Variants in NOP53 observed in about 807,000 individuals in gnomAD.
NOP53 encodes NOP53 ribosome biogenesis factor.
A neutral mutation model predicts 61.0 loss-of-function variants in NOP53; 40 were observed. That is an observed-to-expected ratio of 0.66 (90% confidence interval 0.51 to 0.85). The LOEUF (loss-of-function observed/expected upper bound fraction) is 0.85, where lower values mean the gene tolerates loss of function less well. Ranked by LOEUF, NOP53 falls within the 40% of genes least tolerant of loss-of-function variation. The probability of loss-of-function intolerance (pLI) is 0.00; values close to 1 mark genes in which losing one functional copy is unlikely to be tolerated. For missense variants in NOP53, 689 were observed against 652.9 expected, an observed-to-expected ratio of 1.06 and a Z score of -0.60; for synonymous variants, 308 against 289.5, an observed-to-expected ratio of 1.06 and a Z score of -0.65.
chr19:47,750,816 T>G, intron 3 of NOP53, 92 bp from the exon 4 acceptor site: 1 of 1,064,496 alleles, frequency 9.4e-7, no homozygotes, highest in Non-Finnish European at 1.4e-6. Flanking sequence ...GAAGCTGCCT[T>G]AATGGTGGAG....
Position 47,756,599 on chromosome 19 carries a change from A to C in NOP53, c.1368A>C (p.Arg456Ser), listed in dbSNP as rs770241150. The C allele has an allele frequency of 6.2e-7, 1 of 1,613,946 alleles. No homozygotes were observed. ...GGAATATGATCGAGCCTCGAGAGAG[A>C]GCCAAGTAAGGGGCGGCCGGGGCTG... is the stretch of plus-strand genomic sequence containing the variant. Reference protein sequence around the residue: ...QRRNMIEPRERAKFKRKYKVK... With the variant: ...QRRNMIEPRESAKFKRKYKVK... The change falls in exon 11 of 13, where the codon AGA (arginine) becomes AGC (serine). Residue 456 changes from arginine to serine, a missense_variant. Arg to Ser is a moderately radical substitution (Grantham distance 110). Coordinates refer to ENST00000246802, the MANE Select transcript of NOP53 (RefSeq NM_015710.5).
intron 10 of NOP53, 33 bp from the exon 11 acceptor site, chr19:47,756,495 G>T: frequency 1.3e-6 from 2 of 1,586,722 alleles, no homozygotes; most frequent in Non-Finnish European, 1.7e-6. Context: ...GCTTCTGCCA[G>T]GCCCTGCTGA....
At position 47,750,985 on chromosome 19, in the gene NOP53, G is replaced by GCGAGCTGCCCCGGGAGGT. The variant is rs1233207388; in HGVS notation, c.477_494dup (p.Glu160_Val165dup). On this transcript the variant is annotated inframe_insertion, in exon 4 of 13. Coordinates refer to ENST00000246802, the MANE Select transcript of NOP53 (RefSeq NM_015710.5). Reference sequence around the variant, plus strand: ...CTATGGGAGAAGCTGGCCAAGCAGGGCGAGCTGCCCCGGGAGGTGCGCAGG... The same window carrying GCGAGCTGCCCCGGGAGGT: ...CTATGGGAGAAGCTGGCCAAGCAGGGCGAGCTGCCCCGGGAGGTCGAGCTGCCCCGGGAGGTGCGCAGG... The GCGAGCTGCCCCGGGAGGT allele has an allele frequency of 4.4e-6, 7 of 1,596,528 alleles. No individual in the cohort carries two copies. The highest frequency in any genetic ancestry group is 6.0e-6 in the Non-Finnish European group (7 of 1,172,754).
Position 47,751,583 on chromosome 19 carries a change from G to C in NOP53, c.662G>C (p.Gly221Ala). 1 of 1,613,626 alleles carries C rather than the reference G, an allele frequency of 6.2e-7. No individual in the cohort carries two copies. The highest frequency in any genetic ancestry group is 8.5e-7 in the Non-Finnish European group (1 of 1,179,650). ...TTCCTGGAGCAGACCAAGAAGAAAG[G>C]AGTGAAGGTGAGATGTGTGGGAAGG... ...EFFLEQTKKK[G>A]VKRPARLHTK... is the part of the protein sequence containing the mutation. Residue 221 changes from glycine to alanine, a missense_variant, in exon 5 of 13, where the codon GGA becomes GCA. Physicochemically the swap from Gly to Ala is moderately conservative, Grantham distance 60. Coordinates refer to ENST00000246802, the MANE Select transcript of NOP53 (RefSeq NM_015710.5).
intron 4 of NOP53, 53 bp from the exon 5 acceptor site, chr19:47,751,467 G>A (rs1967124114): frequency 7.1e-7 from 1 of 1,399,244 alleles, no homozygotes; most frequent in African/African-American, 1.4e-5. Flanking sequence ...GGAGCCTTTG[G>A]TGCCTCTTCC....
In NOP53 at chr19:47,751,640, C is replaced by T. The variant is rs755412963; in HGVS notation, c.669+50C>T. ...TGGGTGATGGGAGGGTGAGGAGGGCCGGGAGCTGCTCTGTGTTCCTGCAGT... is the reference window on the plus strand; with the variant it reads ...TGGGTGATGGGAGGGTGAGGAGGGCTGGGAGCTGCTCTGTGTTCCTGCAGT... On this transcript the variant is annotated intron_variant, in intron 5 of 12. Coordinates refer to ENST00000246802, the MANE Select transcript of NOP53 (RefSeq NM_015710.5). 46 of 1,383,102 alleles carry T rather than the reference C, an allele frequency of 3.3e-5. No homozygotes were observed. The East Asian group carries it at 4.6e-4, about 14-fold the overall frequency. The allele number at this position is 1,383,102 out of a possible 1,614,324, so 85.7% of individuals were successfully genotyped here.
chr19:47,755,004 A>G (rs902587339), intron 8 of NOP53, 113 bp downstream of exon 8: 1 of 1,006,262 alleles, frequency 9.9e-7, no homozygotes, highest in Non-Finnish European at 1.4e-6. Context: ...CAAGCCCCGC[A>G]TGTGGCCTGT....
At chr19:47,751,418 C>A in intron 4 of NOP53, 102 bp from the exon 5 acceptor site, 1 of 896,988 alleles carries the variant, frequency 1.1e-6, no homozygotes, top group Non-Finnish European at 1.8e-6. Flanking sequence ...CTTGCCTGAG[C>A]TTCAGGGTCA....
At chr19:47,753,093 C>T (rs1361623993) in intron 6 of NOP53, 1 of 158,596 alleles carries the variant, frequency 6.3e-6, no homozygotes, top group Non-Finnish European at 1.4e-5. Context: ...TAGCTGGAGC[C>T]ACTGTGCATT....
intron 10 of NOP53, 47 bp from the exon 11 acceptor site, chr19:47,756,481 T>C (rs769115035): frequency 1.3e-6 from 2 of 1,521,866 alleles, no homozygotes; most frequent in East Asian, 2.3e-5. Context: ...GTCCAGGCCC[T>C]TGGGCTTCTG....
intron 2 of NOP53, among the ~76,000 whole-genome samples, chr19:47,747,726 G>A (rs1417550463): frequency 2.6e-5 from 4 of 151,508 alleles, no homozygotes; most frequent in African/African-American, 9.7e-5. Context: ...CAAGTAGCTG[G>A]GACTGCAGGC....
rs758226662 is a variant in NOP53, at chr19:47,745,731, C to G, written c.172C>G (p.Leu58Val). The G allele has an allele frequency of 2.4e-5, 38 of 1,607,510 alleles. No homozygotes were observed. The highest frequency in any genetic ancestry group is 3.1e-5 in the Non-Finnish European group (36 of 1,176,998). The part of the protein sequence containing the change: ...WRRLAQEPLG[L>V]EVDQFLEDVR... ...GCGGCTTGCTCAGGAGCCGCTGGGG[C>G]TGGAGGTTGACCAGTTCCTGGAAGA... Residue 58 changes from leucine (L) to valine (V), a missense_variant, in exon 1 of 13, where the codon CTG becomes GTG. Leu to Val is a conservative substitution (Grantham distance 32). Coordinates refer to ENST00000246802, the MANE Select transcript of NOP53 (RefSeq NM_015710.5).
intron 11 of NOP53, 21 bp downstream of exon 11, chr19:47,756,625 C>CTGTGG (rs1227024941): frequency 6.2e-7 from 1 of 1,613,368 alleles, no homozygotes; most frequent in Non-Finnish European, 8.5e-7. Context: ...GCCGGGGCTG[C>CTGTGG]TGTGGGGCGA....
chr19:47,754,660 C>G lies in NOP53; in HGVS notation c.870+29C>G. On this transcript the variant is annotated intron_variant, in intron 7 of 12. Coordinates refer to ENST00000246802, the MANE Select transcript of NOP53 (RefSeq NM_015710.5). This position sits in a 1 kb window ranked among gnomAD's most constrained non-coding sequence, Gnocchi z 4.2. ...AGCCCCGCACCTGCCCACTCCCTCC[C>G]CTCCCCGGGCCTCCTACCCACCCCT... 6.5e-7 allele frequency: 1 copy of G among 1,542,376 alleles called. No homozygotes were observed. The highest frequency in any genetic ancestry group is 2.4e-5 in the East Asian group (1 of 40,910).
At chr19:47,751,732 A>G (rs1030728602) in intron 5 of NOP53, 142 bp downstream of exon 5, 1 of 698,372 alleles carries the variant, frequency 1.4e-6, no homozygotes, top group Non-Finnish European at 2.6e-6. Context: ...GGTGGCTGGG[A>G]TTCCTGTCCC....
rs370123555 is a variant in NOP53, at chr19:47,752,529, C to T, written c.687C>T (p.His229=). The change falls in exon 6 of 13, where the codon CAC becomes CAT. Residue 229 remains histidine (H), a synonymous_variant. Transcript: ENST00000246802. ...CTCCACAGCGGCCAGCACGCCTGCA[C>T]ACCAAGCCGTCCCAGGCACCCGCCG... ...KKGVKRPARL[H]TKPSQAPAVE... 4.5e-5 allele frequency: 72 copies of T among 1,606,234 alleles called. No individual in the cohort carries two copies. Among genetic ancestry groups the T allele is most frequent in the Non-Finnish European group, 5.8e-5 (68 of 1,177,234 alleles).
chr19:47,748,759 A>G (rs1188311370), intron 2 of NOP53, among the ~76,000 whole-genome samples: 1 of 152,126 alleles, frequency 6.6e-6, no homozygotes, highest in African/African-American at 2.4e-5. Flanking sequence ...GCCGGACGTC[A>G]TGGTACACGC....
At position 47,755,771 on chromosome 19, in the gene NOP53, C is replaced by G. The variant is rs1223181907; in HGVS notation, c.1245C>G (p.Asp415Glu). ...RLGRLKYQAP[D>E]IDVQLSSELT... is the part of the protein sequence containing the mutation. ...TGTTCTGCAGGTACCAGGCACCTGA[C>G]ATCGACGTGCAGCTGAGCTCGGAGC... Residue 415 changes from aspartate to glutamate, a missense_variant, in exon 10 of 13, where the codon GAC (aspartate) becomes GAG (glutamate). Asp to Glu is a conservative substitution (Grantham distance 45, BLOSUM62 2). Transcript: ENST00000246802. The G allele has an allele frequency of 6.2e-7, 1 of 1,610,512 alleles. No individual in the cohort carries two copies. The highest frequency in any genetic ancestry group is 1.7e-5 in the Admixed American group (1 of 59,764).
intron 1 of NOP53, 92 bp from the exon 2 acceptor site, chr19:47,746,870 GGACTT>G (rs1967071092): frequency 3.1e-6 from 3 of 978,276 alleles, no homozygotes; most frequent in Non-Finnish European, 4.9e-6. Flanking sequence ...TCCGGTGGCG[GGACTT>G]GACTAAGCGG....
Sources: gnomAD v4.1 joint callset for allele counts (sites outside exome capture counted in the v4.1 genomes callset) on GRCh38, gnomAD v4.1.1 for gene constraint, Gnocchi (gnomAD v3.1) non-coding constraint, MANE v1.5 for transcripts, NCBI Gene and HGNC (gene_info 2026-07-23, HGNC 2026-07-21) for gene names.